Variants in PTBP3 observed in about 807,000 individuals in gnomAD.
PTBP3 encodes the protein polypyrimidine tract binding protein 3.
Under a neutral mutation model 58.7 loss-of-function variants are expected in PTBP3, and 20 were observed. That is an observed-to-expected ratio of 0.34 (90% CI 0.24 to 0.50). PTBP3 has a LOEUF of 0.50. PTBP3 is among the 20% of genes least tolerant of loss of function. PTBP3 has a pLI of 0.98. For synonymous variants in PTBP3, 185 were observed against 219.8 expected, an observed-to-expected ratio of 0.84 and a Z score of 1.40; for missense variants, 509 against 637.2, an observed-to-expected ratio of 0.80 and a Z score of 2.17.
At chr9:112,358,992 G>C in the PTBP3 span, among the ~76,000 whole-genome samples, 1 of 152,126 alleles carries the variant, frequency 6.6e-6, no homozygotes, top group African/African-American at 2.4e-5. Flanking sequence ...GTGCCACTAT[G>C]CCTAGCTAAA....
chr9:112,379,121 G>A, the PTBP3 span, among the ~76,000 whole-genome samples: 1 of 152,170 alleles, frequency 6.6e-6, no homozygotes, highest in African/African-American at 2.4e-5. Flanking sequence ...CCCGGGAGGC[G>A]GAGGTTACAA....
intron 1 of PTBP3, among the ~76,000 whole-genome samples, chr9:112,318,934 C>T (rs1829811431): frequency 6.6e-6 from 1 of 151,900 alleles, no homozygotes; most frequent in Admixed American, 6.6e-5. Flanking sequence ...TCAAGACCAG[C>T]CTGACCAACA....
chr9:112,358,151 AAAT>A, the PTBP3 span, among the ~76,000 whole-genome samples: 1 of 152,146 alleles, frequency 6.6e-6, no homozygotes, highest in African/African-American at 2.4e-5. Flanking sequence ...CTACTAAAAA[AAAT>A]AAAAAATTAG....
intron 1 of PTBP3, chr9:112,298,620 A>G: frequency 2.1e-6 from 1 of 478,698 alleles, no homozygotes; most frequent in South Asian, 1.6e-5. Context: ...AAATAGTACT[A>G]TTGGTTTACC....
chr9:112,279,044 T>C lies in PTBP3; in HGVS notation c.35-3031A>G, dbSNP rs200678773. 3.9e-5 allele frequency among the ~76,000 whole-genome samples: 6 copies of C among 152,150 alleles called. 1 individual carries two copies. In the East Asian group the frequency reaches 1.2e-3, roughly 29 times the overall value. ...AAATTAACTGAACATATTATTACTA[T>C]ATGAAATCTCAAAATCTAAGAACGA... is the stretch of plus-strand genomic sequence containing the variant. On this transcript the variant is annotated intron_variant, in intron 2 of 13. Transcript: ENST00000374257.
At chr9:112,224,258 T>C (rs373749273) in intron 12 of PTBP3, 48 bp from the exon 13 acceptor site, 8 of 1,159,768 alleles carry the variant, frequency 6.9e-6, no homozygotes, top group Non-Finnish European at 9.7e-6. Context: ...CATTCTCAAG[T>C]GAAGCAGATT....
At chr9:112,368,017 C>T in the PTBP3 span, among the ~76,000 whole-genome samples, 7 of 152,080 alleles carry the variant, frequency 4.6e-5, no homozygotes, top group South Asian at 2.1e-4. Flanking sequence ...GTTGTTGAGA[C>T]GAAGTCTCAC....
intron 4 of PTBP3, among the ~76,000 whole-genome samples, chr9:112,263,197 A>C (rs1485431330): frequency 6.6e-6 from 1 of 152,236 alleles, no homozygotes. Context: ...ATCTAGGACA[A>C]TCTGTGTATC....
chr9:112,292,647 A>T (rs1828490085), intron 2 of PTBP3, among the ~76,000 whole-genome samples: 1 of 152,238 alleles, frequency 6.6e-6, no homozygotes, highest in Admixed American at 6.5e-5. Flanking sequence ...CCTTGAGGAC[A>T]CTATGCTAAG....
At chr9:112,329,256 C>T (rs1830272156) in intron 1 of PTBP3, among the ~76,000 whole-genome samples, 2 of 151,858 alleles carry the variant, frequency 1.3e-5, no homozygotes, top group African/African-American at 2.4e-5. Context: ...ATTAAAAATA[C>T]AAAAAAATTA....
At chr9:112,229,136 A>G (rs1174103216) in intron 10 of PTBP3, among the ~76,000 whole-genome samples, 11 of 152,332 alleles carry the variant, frequency 7.2e-5, no homozygotes, top group Admixed American at 3.9e-4. Context: ...ACAGTTTTTG[A>G]ATTTTTAATA....
At chr9:112,256,615 T>C (rs1031035786) in intron 5 of PTBP3, among the ~76,000 whole-genome samples, 3 of 152,042 alleles carry the variant, frequency 2.0e-5, no homozygotes, top group Non-Finnish European at 2.9e-5. Context: ...ACTATAACCT[T>C]GAACTCCTGG....
intron 7 of PTBP3, among the ~76,000 whole-genome samples, chr9:112,237,245 C>T (rs1016809142): frequency 1.3e-5 from 2 of 152,104 alleles, no homozygotes; most frequent in African/African-American, 4.8e-5. Flanking sequence ...ATATAATCCA[C>T]ACTCCCTAAA....
At chr9:112,356,616 T>G in the PTBP3 span, among the ~76,000 whole-genome samples, 1 of 150,454 alleles carries the variant, frequency 6.6e-6, no homozygotes, top group African/African-American at 2.4e-5. Flanking sequence ...GCTTGATCCA[T>G]GTAGTCACTC....
chr9:112,362,788 A>G, the PTBP3 span: 2 of 293,826 alleles, frequency 6.8e-6, no homozygotes, highest in Non-Finnish European at 1.3e-5. Context: ...ACCACCAGTC[A>G]GAACAATATG....
intron 2 of PTBP3, among the ~76,000 whole-genome samples, chr9:112,281,645 T>C (rs1186190032): frequency 2.6e-5 from 4 of 152,216 alleles, no homozygotes; most frequent in Admixed American, 2.0e-4. Context: ...TTATTCCTTA[T>C]ATGTCTGATA....
intron 2 of PTBP3, among the ~76,000 whole-genome samples, chr9:112,281,503 T>A (rs1827865543): frequency 6.6e-6 from 1 of 152,226 alleles, no homozygotes; most frequent in Non-Finnish European, 1.5e-5. Flanking sequence ...CATTTTTATG[T>A]CAATATTCAT....
chr9:112,373,133 T>C, the PTBP3 span, among the ~76,000 whole-genome samples: 8 of 152,206 alleles, frequency 5.3e-5, no homozygotes, highest in East Asian at 1.5e-3. Context: ...CCTGACCTTG[T>C]GATCTGCCCA....
chr9:112,354,809 A>G, the PTBP3 span, among the ~76,000 whole-genome samples: 4 of 152,200 alleles, frequency 2.6e-5, no homozygotes, highest in Non-Finnish European at 5.9e-5. Flanking sequence ...GTTAGGCACA[A>G]TCTGAAAACT....
Sources: gnomAD v4.1 joint callset for allele counts (sites outside exome capture counted in the v4.1 genomes callset) on GRCh38, gnomAD v4.1.1 for gene constraint, MANE v1.5 for transcripts, NCBI Gene and HGNC (gene_info 2026-07-23, HGNC 2026-07-21) for gene names.